Variants in INTS1 observed in about 807,000 individuals in gnomAD.
INTS1 encodes integrator complex subunit 1.
Under a neutral mutation model 241.6 loss-of-function variants are expected in INTS1, and 137 were observed. The observed-to-expected ratio is 0.57, with a 90% CI of 0.49 to 0.65. The LOEUF is 0.65. Among genes scored for constraint, INTS1 ranks in the 30% least tolerant of loss-of-function variants. The pLI, the probability that INTS1 is intolerant of heterozygous loss-of-function variation, is 0.00. For synonymous variants in INTS1, 1,692 were observed against 1,337.8 expected (o/e 1.26, Z -5.78); for missense variants, 3,073 against 3,032.2 (o/e 1.01, Z -0.32).
At chr7:1,499,812 C>T (rs1783067630) in intron 5 of INTS1, 72 bp downstream of exon 5, 1 of 1,533,828 alleles carries the variant, frequency 6.5e-7, no homozygotes, top group Non-Finnish European at 8.8e-7. Flanking sequence ...GAACACACTT[C>T]TGCTTTTCTC....
chr7:1,474,241 T>TGCA lies in INTS1; in HGVS notation c.5753_5755dup (p.Leu1918dup). On this transcript the variant is annotated inframe_insertion, in exon 41 of 48. Coordinates refer to ENST00000404767, the MANE Select transcript of INTS1 (RefSeq NM_001080453.3). ...GTGCTCGCTGCGGAACACGTGCGGC[T>TGCA]GCAGCAGCTCCAGCAGGCCCAGCAC... The TGCA allele has an allele frequency of 6.2e-7, 1 of 1,604,168 alleles. No homozygotes were observed. The highest frequency in any genetic ancestry group is 8.5e-7 in the Non-Finnish European group (1 of 1,176,928).
chr7:1,493,973 C>A lies in INTS1; in HGVS notation c.1911-62G>T. On this transcript the variant is annotated intron_variant, in intron 14 of 47. Coordinates refer to ENST00000404767, the MANE Select transcript of INTS1 (RefSeq NM_001080453.3). This position sits in a 1 kb window ranked among gnomAD's most constrained non-coding sequence, Gnocchi z 5.3. ...CCCACACCTGCCAGACCTGAGGGGC[C>A]GAGGACAGGCCAGCTTCTCCCTCAG... 6.7e-7 allele frequency: 1 copy of A among 1,501,664 alleles called. No homozygotes were observed. Among genetic ancestry groups the A allele is most frequent in the Admixed American group, 2.1e-5 (1 of 46,822 alleles). 93.0% of individuals were successfully genotyped at this position (1,501,664 alleles called of 1,614,324 possible).
Position 1,473,802 on chromosome 7 carries a change from G to A in INTS1, c.5830-109C>T. On this transcript the variant is annotated intron_variant, in intron 41 of 47. Transcript: ENST00000404767. ...TCAGGGCATGGACCCCACAGCCAACGAGCCCCCTCTGCCAACCACTGGGGC... is the reference window on the plus strand; with the variant it reads ...TCAGGGCATGGACCCCACAGCCAACAAGCCCCCTCTGCCAACCACTGGGGC... 7.2e-6 allele frequency: 10 copies of A among 1,386,062 alleles called. No individual in the cohort carries two copies. In the South Asian group the frequency reaches 7.7e-5, roughly 11 times the overall value. 85.9% of individuals were successfully genotyped at this position (1,386,062 alleles called of 1,614,324 possible). A position where few individuals can be genotyped will look rare whatever the true frequency, so the allele number is the denominator to read the frequency against.
intron 16 of INTS1, among the ~76,000 whole-genome samples, 189 bp downstream of exon 16, chr7:1,492,821 G>A (rs1782630691): frequency 6.6e-6 from 1 of 151,232 alleles, no homozygotes; most frequent in South Asian, 2.1e-4. Context: ...GGGGAGTGGG[G>A]CGCGGGCTTA....
Position 1,502,939 on chromosome 7 carries a change from G to C in INTS1, c.311C>G (p.Ser104Cys). Reference sequence around the variant, plus strand: ...CACAGATGGCTCTTTAATCGACGGAGAAATGGCTCGTTTTTCTGCCACTGC... The same window carrying C: ...CACAGATGGCTCTTTAATCGACGGACAAATGGCTCGTTTTTCTGCCACTGC... ...EAAVAEKRAI[S>C]PSIKEPSVVP... Residue 104 changes from serine to cysteine, a missense_variant, in exon 3 of 48, where the codon TCT becomes TGT. Transcript: ENST00000404767. 2 of 1,613,856 alleles carry C rather than the reference G, an allele frequency of 1.2e-6. No homozygotes were observed. Among genetic ancestry groups the C allele is most frequent in the Admixed American group, 1.7e-5 (1 of 60,024 alleles).
chr7:1,482,395 C>T, intron 27 of INTS1, 151 bp downstream of exon 27: 1 of 707,788 alleles, frequency 1.4e-6, no homozygotes, highest in Non-Finnish European at 2.2e-6. Flanking sequence ...CCTGCTGTGG[C>T]CAGGACATAT....
chr7:1,500,339 A>T lies in INTS1; in HGVS notation c.377T>A (p.Ile126Asn), dbSNP rs1189278434. 6.3e-7 allele frequency: 1 copy of T among 1,585,542 alleles called. No homozygotes were observed. Residue 126 changes from isoleucine to asparagine, a missense_variant, in exon 4 of 48, where the codon ATC (isoleucine) becomes AAC (asparagine). By Grantham distance (149) the Ile-to-Asn change is moderately radical. Transcript: ENST00000404767. Reference protein sequence around the residue: ...EVLPTVLLDEIEAAELEGNDD... With the variant: ...EVLPTVLLDENEAAELEGNDD... Reference sequence around the variant, plus strand: ...GTTGCCCTCCAGCTCGGCCGCCTCGATCTCATCCAGCAGCACCGTGGGCAG... The same window carrying T: ...GTTGCCCTCCAGCTCGGCCGCCTCGTTCTCATCCAGCAGCACCGTGGGCAG...
In INTS1 at chr7:1,486,203, T is replaced by G. The variant is rs185979643; in HGVS notation, c.2976+422A>C. ...CTCCCACCTCGGCCTCCCAAAGTGC[T>G]GGGATGACAAGAGCAAGCCACTGCC... is the stretch of plus-strand genomic sequence containing the variant. On this transcript the variant is annotated intron_variant, in intron 22 of 47. Coordinates refer to ENST00000404767, the MANE Select transcript of INTS1 (RefSeq NM_001080453.3). 3.2e-4 allele frequency among the ~76,000 whole-genome samples: 49 copies of G among 152,208 alleles called. 2 individuals carry two copies. The East Asian group carries it at 8.7e-3, about 27-fold the overall frequency.
In INTS1 at chr7:1,480,405, T is replaced by A. The variant is rs1419451302; in HGVS notation, c.3986A>T (p.Glu1329Val). The A allele has an allele frequency of 6.2e-7, 1 of 1,613,390 alleles. No individual in the cohort carries two copies. The highest frequency in any genetic ancestry group is 1.7e-5 in the Admixed American group (1 of 59,982). Residue 1329 changes from glutamate to valine, a missense_variant, in exon 30 of 48, where the codon GAG becomes GTG. Transcript: ENST00000404767. ...TEAPKPKSSPEQPIGQGRIRV... is the reference protein window; with the variant it reads ...TEAPKPKSSPVQPIGQGRIRV... ...AATCCGGCCCTGGCCTATGGGCTGC[T>A]CTGGGCTGCTCTTTGGTTTGGGTGC...
intron 16 of INTS1, among the ~76,000 whole-genome samples, chr7:1,491,624 G>A (rs4436031): frequency 0.54 from 81,626 of 151,900 alleles, 23,707 homozygotes; most frequent in African/African-American, 0.77. Flanking sequence ...GGCCAGGCGC[G>A]GTGTGGCTCA....
In INTS1 at chr7:1,482,696, C is replaced by T. The variant is rs781710331; in HGVS notation, c.3553G>A (p.Glu1185Lys). The change falls in exon 27 of 48, where the codon GAG becomes AAG. Residue 1185 changes from glutamate (E) to lysine (K), a missense_variant. Physicochemically the swap from Glu to Lys is moderately conservative, Grantham distance 56. Transcript: ENST00000404767. ...TLGPPRADDS[E>K]FQALLDIWFP... ...CAGATGTCCAGCAGCGCCTGGAACT[C>T]GCTGTCGTCGGCTTCAGGAAGGACA... is the stretch of plus-strand genomic sequence containing the variant. 18 of 1,612,472 alleles carry T rather than the reference C, an allele frequency of 1.1e-5. No individual in the cohort carries two copies. The highest frequency in any genetic ancestry group is 3.3e-5 in the South Asian group (3 of 91,076).
rs1282017828 is a variant in INTS1 at position 1,474,826 on chromosome 7, T to C, written c.5515A>G (p.Ile1839Val). ...GCAAGGAGCGTGATGAAGCGGTGGA[T>C]GAGTCCGTCCAGCTGCAGGGAGGGG... The part of the protein sequence containing the change: ...SSSVCKLDGL[I>V]HRFITLLADT... The change falls in exon 40 of 48, where the codon ATC becomes GTC. Residue 1839 changes from isoleucine to valine, a missense_variant. Physicochemically the swap from Ile to Val is conservative, Grantham distance 29 (BLOSUM62 3). Coordinates refer to ENST00000404767, the MANE Select transcript of INTS1 (RefSeq NM_001080453.3). 2 of 1,589,578 alleles carry C rather than the reference T, an allele frequency of 1.3e-6. No individual in the cohort carries two copies. The highest frequency in any genetic ancestry group is 1.7e-6 in the Non-Finnish European group (2 of 1,170,628).
intron 41 of INTS1, 95 bp downstream of exon 41, chr7:1,474,073 G>A (rs911179902): frequency 7.3e-7 from 1 of 1,367,544 alleles, no homozygotes; most frequent in Non-Finnish European, 9.7e-7. Context: ...TGGCTGCAGA[G>A]GTCCTCCCAG....
intron 19 of INTS1, 36 bp downstream of exon 19, chr7:1,487,724 C>T (rs1169579533): frequency 1.0e-5 from 16 of 1,600,172 alleles, no homozygotes; most frequent in Middle Eastern, 1.7e-4. Context: ...CAGGTCCCGA[C>T]GGCAGGCGCA....
chr7:1,474,300 G>A lies in INTS1; in HGVS notation c.5697C>T (p.Phe1899=), dbSNP rs1288000205. 6.2e-7 allele frequency: 1 copy of A among 1,608,714 alleles called. No individual in the cohort carries two copies. ...HGRTHLNFQE[F]RQQNHLSCFL... is the part of the protein sequence containing the mutation. ...AGCAGCTCAGGTGGTTCTGCTGCCGGAACTCCTGGAAGTTGAGGTGGGTGC... is the reference window on the plus strand; with the variant it reads ...AGCAGCTCAGGTGGTTCTGCTGCCGAAACTCCTGGAAGTTGAGGTGGGTGC... The change falls in exon 41 of 48, where the codon TTC becomes TTT. Residue 1899 remains phenylalanine, a synonymous_variant. Coordinates refer to ENST00000404767, the MANE Select transcript of INTS1 (RefSeq NM_001080453.3).
intron 8 of INTS1, 38 bp downstream of exon 8, chr7:1,498,937 C>G (rs1424186201): frequency 4.3e-6 from 6 of 1,405,168 alleles, no homozygotes; most frequent in Non-Finnish European, 5.8e-6. Flanking sequence ...CCTGCCCCCA[C>G]CCCCTGCCCC....
chr7:1,488,156 C>T (rs545588822), intron 18 of INTS1, among the ~76,000 whole-genome samples, 199 bp from the exon 19 acceptor site: 131 of 152,304 alleles, frequency 8.6e-4, no homozygotes, highest in Non-Finnish European at 1.4e-3. Flanking sequence ...TGCCCAGAGG[C>T]GCGGTCCAGC....
chr7:1,494,635 G>C, intron 14 of INTS1, 181 bp downstream of exon 14: 1 of 662,282 alleles, frequency 1.5e-6, no homozygotes, highest in Non-Finnish European at 2.7e-6. Context: ...AGTGGCGCTG[G>C]GACGCCAGCA....
Position 1,493,255 on chromosome 7 carries a change from A to T in INTS1, c.2069-149T>A. 1 of 642,086 alleles carries T rather than the reference A, an allele frequency of 1.6e-6. No individual in the cohort carries two copies. Among genetic ancestry groups the T allele is most frequent in the Non-Finnish European group, 2.7e-6 (1 of 367,314 alleles). The allele number at this position is 642,086 out of a possible 1,614,324, so 39.8% of individuals were successfully genotyped here. A position where few individuals can be genotyped will look rare whatever the true frequency, so the allele number is the denominator to read the frequency against. On this transcript the variant is annotated intron_variant, in intron 15 of 47. Transcript: ENST00000404767. The surrounding 1 kb of genome is among the most constrained non-coding windows in gnomAD (Gnocchi z 5.3). The stretch of plus-strand genomic sequence containing the variant: ...CAGGCCTGAGCAGGAGAGCTGGGGG[A>T]AGCTTGGCTTCTCACTGGGAAACAG...
Sources: gnomAD v4.1 joint callset for allele counts (sites outside exome capture counted in the v4.1 genomes callset) on GRCh38, gnomAD v4.1.1 for gene constraint, Gnocchi (gnomAD v3.1) non-coding constraint, MANE v1.5 for transcripts, NCBI Gene and HGNC (gene_info 2026-07-23, HGNC 2026-07-21) for gene names.